The following LSAMP variants were observed in gnomAD, a reference collection of about 807,000 sequenced individuals.
LSAMP encodes limbic system associated membrane protein, also known as limbic system-associated membrane protein.
Under a neutral mutation model 38.6 loss-of-function variants are expected in LSAMP, and 7 were observed. The ratio of observed to expected loss-of-function variants is 0.18; its 90% CI spans 0.10 to 0.34. The LOEUF (loss-of-function observed/expected upper bound fraction) is 0.34. LSAMP is among the 10% of genes least tolerant of loss of function. LSAMP has a pLI of 1.00. For synonymous variants in LSAMP, 154 were observed against 166.8 expected, an observed-to-expected ratio of 0.92 and a Z score of 0.59; for missense variants, 313 against 420.0, an observed-to-expected ratio of 0.75 and a Z score of 2.23.
intron 1 of LSAMP, among the ~76,000 whole-genome samples, chr3:116,238,469 G>A (rs533110814): frequency 2.6e-5 from 4 of 152,304 alleles, no homozygotes; most frequent in South Asian, 4.1e-4. Context: ...TGATGCAGGA[G>A]TTACTCGCAT....
At chr3:115,884,773 C>T (rs560229373) in intron 3 of LSAMP, among the ~76,000 whole-genome samples, 5 of 152,008 alleles carry the variant, frequency 3.3e-5, no homozygotes, top group Admixed American at 1.3e-4. Context: ...CTAACAAACA[C>T]ACATATTCAC....
At chr3:115,904,910 C>T (rs1437525597) in intron 3 of LSAMP, among the ~76,000 whole-genome samples, 1 of 152,118 alleles carries the variant, frequency 6.6e-6, no homozygotes, top group African/African-American at 2.4e-5. Flanking sequence ...CTTTTGGACC[C>T]GTAGAGAACT....
chr3:116,406,546 A>G (rs187940922), intron 1 of LSAMP, among the ~76,000 whole-genome samples: 86 of 152,052 alleles, frequency 5.7e-4, no homozygotes, highest in African/African-American at 2.0e-3. Flanking sequence ...TTTAATTGAT[A>G]TTTAAATCAA....
intron 2 of LSAMP, among the ~76,000 whole-genome samples, chr3:116,029,474 T>C (rs1265423613): frequency 3.3e-5 from 5 of 149,334 alleles, no homozygotes; most frequent in African/African-American, 1.3e-4. Context: ...GAGTGATTAC[T>C]AATGCTACAT....
rs149143117 is a variant in LSAMP at position 116,047,217 on chromosome 3, A to G, written c.389-27577T>C. ...ATTATGATCCTCTTTCAGAAGCAGT[A>G]CAATGTCATGCATCACAAATAAGCT... On this transcript the variant is annotated intron_variant, in intron 2 of 6. Transcript: ENST00000490035. 2.8e-3 allele frequency among the ~76,000 whole-genome samples: 421 copies of G among 152,324 alleles called. 5 individuals are homozygous for G. The highest frequency in any genetic ancestry group is 9.6e-3 in the African/African-American group (401 of 41,568).
At chr3:116,396,143 A>G (rs1431762872) in intron 1 of LSAMP, among the ~76,000 whole-genome samples, 1 of 152,226 alleles carries the variant, frequency 6.6e-6, no homozygotes, top group African/African-American at 2.4e-5. Flanking sequence ...CAATGTGGCT[A>G]CCAGGCTGAT....
chr3:116,281,874 A>G (rs2047131657), intron 1 of LSAMP, among the ~76,000 whole-genome samples: 1 of 152,202 alleles, frequency 6.6e-6, no homozygotes, highest in East Asian at 1.9e-4. Context: ...TGTTAGTTAC[A>G]CTGACATCTT....
At chr3:115,838,489 A>G (rs537098513) in intron 6 of LSAMP, among the ~76,000 whole-genome samples, 2 of 152,336 alleles carry the variant, frequency 1.3e-5, no homozygotes, top group East Asian at 3.9e-4. Context: ...CGTCTGAGAA[A>G]GACTAGGGAG....
Position 116,358,761 on chromosome 3 carries a change from TATC to T in LSAMP, c.155+86113_155+86115del, listed in dbSNP as rs760923877. Among the ~76,000 whole-genome samples, 48 of 152,320 alleles carry T rather than the reference TATC, an allele frequency of 3.2e-4. No homozygotes were observed. In the Middle Eastern group the frequency reaches 0.014, roughly 43 times the overall value. ...AGTACAAAAATGTGAGTCACTCAAATATCATATCTTAATGAAAGATACTACTGG... is the reference window on the plus strand; with the variant it reads ...AGTACAAAAATGTGAGTCACTCAAATATATCTTAATGAAAGATACTACTGG... On this transcript the variant is annotated intron_variant, in intron 1 of 6. Transcript: ENST00000490035.
At chr3:116,046,096 C>T (rs1414501252) in intron 2 of LSAMP, among the ~76,000 whole-genome samples, 4 of 152,184 alleles carry the variant, frequency 2.6e-5, no homozygotes, top group Non-Finnish European at 4.4e-5. Flanking sequence ...ATTCTTCATC[C>T]ATAAAAATTG....
intron 1 of LSAMP, among the ~76,000 whole-genome samples, chr3:116,298,039 G>T (rs752162037): frequency 6.6e-6 from 1 of 152,044 alleles, no homozygotes; most frequent in African/African-American, 2.4e-5. Context: ...TCTTCCAAAA[G>T]GCATGCTTCT....
intron 6 of LSAMP, among the ~76,000 whole-genome samples, chr3:115,834,281 A>G (rs984868827): frequency 6.6e-6 from 1 of 152,108 alleles, no homozygotes; most frequent in African/African-American, 2.4e-5. Context: ...GTTCCTTGTA[A>G]TAAATATTGA....
chr3:116,320,089 T>C (rs755394379), intron 1 of LSAMP, among the ~76,000 whole-genome samples: 8 of 152,162 alleles, frequency 5.3e-5, no homozygotes, highest in Non-Finnish European at 1.0e-4. Context: ...AAACTGCTAT[T>C]GCATTTTCAA....
At chr3:116,026,203 G>T (rs1051940857) in intron 2 of LSAMP, among the ~76,000 whole-genome samples, 1 of 152,160 alleles carries the variant, frequency 6.6e-6, no homozygotes, top group African/African-American at 2.4e-5. Context: ...GCTTAAGTAA[G>T]ATCATGACAC....
At chr3:116,131,832 C>CTT (rs746101746) in intron 1 of LSAMP, among the ~76,000 whole-genome samples, 16 of 142,670 alleles carry the variant, frequency 1.1e-4, no homozygotes, top group African/African-American at 2.6e-4. Flanking sequence ...TTTTCTTTTT[C>CTT]TTTTTTTTTT....
intron 2 of LSAMP, among the ~76,000 whole-genome samples, chr3:116,031,322 A>G (rs927048521): frequency 3.3e-5 from 5 of 152,068 alleles, no homozygotes; most frequent in African/African-American, 1.2e-4. Flanking sequence ...AACAATTATG[A>G]CTTAGATCAA....
At chr3:116,428,561 A>C (rs911514405) in intron 1 of LSAMP, among the ~76,000 whole-genome samples, 30 of 152,218 alleles carry the variant, frequency 2.0e-4, no homozygotes, top group African/African-American at 7.0e-4. Context: ...ACACAGACTC[A>C]AAAAAGAGTA....
intron 1 of LSAMP, among the ~76,000 whole-genome samples, chr3:116,421,400 T>C (rs1255799735): frequency 6.6e-6 from 1 of 151,956 alleles, no homozygotes; most frequent in African/African-American, 2.4e-5. Flanking sequence ...TGAAACCCTG[T>C]CTCTACTGAA....
chr3:115,904,507 C>T (rs550284240), intron 3 of LSAMP, among the ~76,000 whole-genome samples: 4 of 152,078 alleles, frequency 2.6e-5, no homozygotes, highest in South Asian at 2.1e-4. Flanking sequence ...ACAACTCCTG[C>T]GTTTATAAAA....
Sources: gnomAD v4.1 joint callset for allele counts (sites outside exome capture counted in the v4.1 genomes callset) on GRCh38, gnomAD v4.1.1 for gene constraint, MANE v1.5 for transcripts, NCBI Gene and HGNC (gene_info 2026-07-23, HGNC 2026-07-21) for gene names.